TOM1L1: variants seen among roughly 807,000 people sequenced by gnomAD.
The protein encoded by TOM1L1 is TOM1-like protein 1.
A neutral mutation model predicts 63.4 loss-of-function variants in TOM1L1; 64 were observed. That is an observed-to-expected ratio of 1.01 (90% CI 0.83 to 1.24). TOM1L1 has a LOEUF of 1.24. Ranked by LOEUF, TOM1L1 falls within the 50% of genes most tolerant of loss-of-function variation. TOM1L1 has a pLI of 0.00. For synonymous variants in TOM1L1, 166 were observed against 194.4 expected (o/e 0.85, Z 1.22); for missense variants, 536 against 567.0 (o/e 0.95, Z 0.55).
chr17:54,949,591 A>G lies in TOM1L1; in HGVS notation c.1256A>G (p.Gln419Arg), dbSNP rs1290196082. Reference sequence around the variant, plus strand: ...ACCATTGCAGCAGCACCATCAAACCAGAGTCTGCCACCTTTGCCCAGCAAT... The same window carrying G: ...ACCATTGCAGCAGCACCATCAAACCGGAGTCTGCCACCTTTGCCCAGCAAT... ...LQTIAAAPSN[Q>R]SLPPLPSNHP... The change falls in exon 13 of 16, where the codon CAG becomes CGG. Residue 419 changes from glutamine (Q) to arginine (R), a missense_variant. Physicochemically the swap from Gln to Arg is conservative, Grantham distance 43 (BLOSUM62 1). Coordinates refer to ENST00000575882, the MANE Select transcript of TOM1L1 (RefSeq NM_005486.3). 1 of 1,613,870 alleles carries G rather than the reference A, an allele frequency of 6.2e-7. No homozygotes were observed. The highest frequency in any genetic ancestry group is 1.7e-5 in the Admixed American group (1 of 60,006).
At chr17:54,930,841 C>A (rs2048846714) in intron 8 of TOM1L1, among the ~76,000 whole-genome samples, 1 of 151,620 alleles carries the variant, frequency 6.6e-6, no homozygotes, top group African/African-American at 2.4e-5. Context: ...GACTCTGTCT[C>A]AAGAATATAA....
chr17:54,906,079 A>T (rs1597999875), intron 3 of TOM1L1, among the ~76,000 whole-genome samples: 1 of 152,126 alleles, frequency 6.6e-6, no homozygotes, highest in Admixed American at 6.5e-5. Flanking sequence ...CTGAGGCAGG[A>T]CAATCACTTG....
chr17:54,903,998 T>A (rs1405816286), intron 2 of TOM1L1, among the ~76,000 whole-genome samples: 1 of 152,328 alleles, frequency 6.6e-6, no homozygotes, highest in East Asian at 1.9e-4. Flanking sequence ...AAATCCACTA[T>A]AATTTTTCTC....
intron 7 of TOM1L1, among the ~76,000 whole-genome samples, chr17:54,929,740 T>G (rs975452682): frequency 8.4e-6 from 1 of 118,358 alleles, no homozygotes; most frequent in Non-Finnish European, 1.9e-5. Context: ...AAAAAACATG[T>G]GTTTTTTTTT....
intron 8 of TOM1L1, among the ~76,000 whole-genome samples, chr17:54,933,059 A>C (rs1477125568): frequency 6.6e-6 from 1 of 152,252 alleles, no homozygotes; most frequent in Admixed American, 6.5e-5. Flanking sequence ...TGCCTCTAGA[A>C]AGATACTAGT....
At chr17:54,924,120 G>A (rs991259757) in intron 7 of TOM1L1, among the ~76,000 whole-genome samples, 11 of 152,034 alleles carry the variant, frequency 7.2e-5, no homozygotes, top group Admixed American at 1.3e-4. Flanking sequence ...CTTCTCGGTC[G>A]TCTTTAGCCT....
chr17:54,901,009 C>G, intron 1 of TOM1L1, 86 bp downstream of exon 1: 1 of 1,571,168 alleles, frequency 6.4e-7, no homozygotes, highest in Admixed American at 1.7e-5. Context: ...CTGCAGAGGA[C>G]GGAGTTAGTC....
At chr17:54,905,387 C>A in intron 2 of TOM1L1, 102 bp from the exon 3 acceptor site, 1 of 763,120 alleles carries the variant, frequency 1.3e-6, no homozygotes, top group Non-Finnish European at 2.2e-6. Flanking sequence ...TAGTTTTCTG[C>A]TCCTTAGCCA....
chr17:54,910,467 C>T (rs1020162135), intron 3 of TOM1L1, among the ~76,000 whole-genome samples: 7 of 152,094 alleles, frequency 4.6e-5, no homozygotes, highest in African/African-American at 1.7e-4. Flanking sequence ...AACAAACAAA[C>T]AAACAAAAAT....
In TOM1L1 at chr17:54,913,830, AGTT is replaced by A; in HGVS notation, c.456_458del (p.Gln152_Phe153delinsHis). 1.9e-6 allele frequency: 3 copies of A among 1,612,094 alleles called. No individual in the cohort carries two copies. The highest frequency in any genetic ancestry group is 2.5e-6 in the Non-Finnish European group (3 of 1,178,744). On this transcript the variant is annotated inframe_deletion, in exon 5 of 16. Transcript: ENST00000575882. ...CTCGACCTGGTTAAGAAAGGCGTTC[AGTT>A]TCCTCCCTCAGAAGCAGAGGCTGAA...
chr17:54,930,729 C>T (rs1031953046), intron 8 of TOM1L1, among the ~76,000 whole-genome samples: 5 of 152,084 alleles, frequency 3.3e-5, no homozygotes, highest in African/African-American at 9.7e-5. Flanking sequence ...GTAGACCCAA[C>T]TACTCAGGAG....
intron 14 of TOM1L1, chr17:54,957,548 G>C (rs1006089158): frequency 1.7e-4 from 26 of 152,184 alleles, no homozygotes; most frequent in African/African-American, 6.0e-4. Flanking sequence ...AAAAGCTGGA[G>C]GTGAAGCTTT....
chr17:54,908,462 C>G (rs1204905452), intron 3 of TOM1L1, among the ~76,000 whole-genome samples: 1 of 152,152 alleles, frequency 6.6e-6, no homozygotes, highest in African/African-American at 2.4e-5. Flanking sequence ...CTGTCAAAAG[C>G]AATTATAAGT....
rs372472135 is a variant in TOM1L1 at position 54,947,331 on chromosome 17, T to C, written c.1182+19T>C. 1.1e-5 allele frequency: 18 copies of C among 1,613,146 alleles called. No individual in the cohort carries two copies. Among genetic ancestry groups the C allele is most frequent in the Non-Finnish European group, 1.5e-5 (18 of 1,179,234 alleles). On this transcript the variant is annotated intron_variant, in intron 12 of 15. Coordinates refer to ENST00000575882, the MANE Select transcript of TOM1L1 (RefSeq NM_005486.3). Reference sequence around the variant, plus strand: ...TGATAATGTAAGTAACAAAACTCTTTTCTAGCAGTGCATCTAGTCAGCAGA... The same window carrying C: ...TGATAATGTAAGTAACAAAACTCTTCTCTAGCAGTGCATCTAGTCAGCAGA...
Position 54,937,157 on chromosome 17 carries a change from CCCA to C in TOM1L1, c.965_967del (p.Pro322_Ser323delinsArg). The C allele has an allele frequency of 6.2e-7, 1 of 1,613,410 alleles. No individual in the cohort carries two copies. The highest frequency in any genetic ancestry group is 8.5e-7 in the Non-Finnish European group (1 of 1,179,920). On this transcript the variant is annotated inframe_deletion, in exon 10 of 16. Transcript: ENST00000575882. ...ATCTCAAGATCTCCTCGACCTAAGT[CCCA>C]GTCCCCGGATGCCTAGGGCCACTCT...
intron 10 of TOM1L1, chr17:54,938,167 G>T (rs2048979823): frequency 6.6e-6 from 1 of 152,114 alleles, no homozygotes; most frequent in Non-Finnish European, 1.5e-5. Flanking sequence ...AGAGGGGGAG[G>T]GAATTATTCC....
At position 54,947,268 on chromosome 17, in the gene TOM1L1, C is replaced by T. The variant is rs937318864; in HGVS notation, c.1138C>T (p.Gln380Ter). 1.2e-6 allele frequency: 2 copies of T among 1,613,926 alleles called. No individual in the cohort carries two copies. Among genetic ancestry groups the T allele is most frequent in the East Asian group, 4.5e-5 (2 of 44,888 alleles). The change falls in exon 12 of 16, where the codon CAA (glutamine) becomes TAA (stop). Residue 380 changes from glutamine to a stop codon, truncating the protein, a stop_gained. Coordinates refer to ENST00000575882, the MANE Select transcript of TOM1L1 (RefSeq NM_005486.3). LOFTEE classifies it high-confidence loss of function. ...LENTEIPPFA[Q>*]RTSQNLTSSH... Reference sequence around the variant, plus strand: ...GTTATCACACTATCCTAGGTTTGCCCAAAGGACCAGCCAAAACCTCACCTC... The same window carrying T: ...GTTATCACACTATCCTAGGTTTGCCTAAAGGACCAGCCAAAACCTCACCTC...
intron 7 of TOM1L1, 86 bp downstream of exon 7, chr17:54,915,948 A>G (rs2048581630): frequency 2.1e-6 from 2 of 950,558 alleles, no homozygotes; most frequent in Admixed American, 1.9e-5. Flanking sequence ...AAGACACCTT[A>G]ATATTGTCTA....
At chr17:54,918,329 T>C (rs955325708) in intron 7 of TOM1L1, among the ~76,000 whole-genome samples, 2 of 152,232 alleles carry the variant, frequency 1.3e-5, no homozygotes, top group Admixed American at 1.3e-4. Context: ...CCTATATCCA[T>C]GCAAACCTAT....
Sources: gnomAD v4.1 joint callset for allele counts (sites outside exome capture counted in the v4.1 genomes callset) on GRCh38, gnomAD v4.1.1 for gene constraint, MANE v1.5 for transcripts, NCBI Gene and HGNC (gene_info 2026-07-23, HGNC 2026-07-21) for gene names.